PDE4D: variants seen among roughly 807,000 people sequenced by gnomAD.
PDE4D encodes the protein 3',5'-cyclic-AMP phosphodiesterase 4D.
A neutral mutation model predicts 87.4 loss-of-function variants in PDE4D; 24 were observed. That is an observed-to-expected ratio of 0.27 (90% CI 0.20 to 0.39). PDE4D has a LOEUF of 0.39. PDE4D is among the 10% of genes least tolerant of loss of function. The pLI is 1.00. For missense variants in PDE4D, 714 were observed against 1,041.0 expected, an observed-to-expected ratio of 0.69 and a Z score of 4.32; for synonymous variants, 384 against 383.2, an observed-to-expected ratio of 1.00 and a Z score of -0.02.
At chr5:60,331,534 C>G (rs36050835) in intron 1 of PDE4D, among the ~76,000 whole-genome samples, 1 of 152,056 alleles carries the variant, frequency 6.6e-6, no homozygotes, top group Non-Finnish European at 1.5e-5. Flanking sequence ...TTGTGTGGAA[C>G]GCAAACTTCC....
chr5:59,762,826 C>T (rs9800315), intron 1 of PDE4D, among the ~76,000 whole-genome samples: 126,185 of 130,936 alleles, frequency 0.96, 60,877 homozygotes, highest in African/African-American at 0.99. Context: ...TCCTATACTA[C>T]GTACTAAAAA....
intron 2 of PDE4D, chr5:60,021,963 T>A (rs1451427676): frequency 6.6e-6 from 1 of 152,222 alleles, no homozygotes; most frequent in Non-Finnish European, 1.5e-5. Context: ...TTCTTCTGAC[T>A]TGATCTCCCA....
chr5:60,331,155 A>C (rs1012725531), intron 1 of PDE4D, among the ~76,000 whole-genome samples: 3 of 152,248 alleles, frequency 2.0e-5, no homozygotes, highest in Admixed American at 2.0e-4. Flanking sequence ...CACAGGCAGC[A>C]TAACAAGGTA....
chr5:60,425,185 T>G (rs1383520103), intron 1 of PDE4D, among the ~76,000 whole-genome samples: 1 of 152,108 alleles, frequency 6.6e-6, no homozygotes, highest in Non-Finnish European at 1.5e-5. Flanking sequence ...AAAAACTACT[T>G]TAAAGTTCAT....
At chr5:59,960,549 T>G (rs1759351946) in intron 3 of PDE4D, among the ~76,000 whole-genome samples, 1 of 152,142 alleles carries the variant, frequency 6.6e-6, no homozygotes, top group Non-Finnish European at 1.5e-5. Flanking sequence ...TCACATCCTT[T>G]GAAGCAACAT....
intron 2 of PDE4D, among the ~76,000 whole-genome samples, chr5:60,045,258 A>T (rs1017187380): frequency 5.3e-5 from 8 of 151,954 alleles, no homozygotes; most frequent in African/African-American, 1.9e-4. Context: ...GATTCTGGAT[A>T]TTAGCCCTTT....
intron 1 of PDE4D, among the ~76,000 whole-genome samples, chr5:60,301,391 T>C (rs1486012256): frequency 6.6e-6 from 1 of 152,176 alleles, no homozygotes; most frequent in Non-Finnish European, 1.5e-5. Context: ...TCTTTGAGCA[T>C]TGGTTTGTAG....
intron 1 of PDE4D, among the ~76,000 whole-genome samples, chr5:60,493,583 A>ATCAT (rs56333350): frequency 0.13 from 19,497 of 149,586 alleles, 1,451 homozygotes; most frequent in East Asian, 0.22. Context: ...TCTATACACA[A>ATCAT]TCATTCATTC....
chr5:60,202,178 C>T (rs570732187), intron 1 of PDE4D, among the ~76,000 whole-genome samples: 12 of 152,186 alleles, frequency 7.9e-5, no homozygotes, highest in African/African-American at 2.9e-4. Flanking sequence ...TTTTATTTAT[C>T]TATTTATTTG....
intron 1 of PDE4D, among the ~76,000 whole-genome samples, chr5:59,733,054 A>G (rs1322644390): frequency 6.6e-6 from 1 of 152,142 alleles, no homozygotes; most frequent in Non-Finnish European, 1.5e-5. Context: ...AAAATGAATA[A>G]GACACTGTCC....
In PDE4D at chr5:58,975,981, A is replaced by G. The variant is rs2153304302; in HGVS notation, c.1831-142T>C. 1 of 643,832 alleles carries G rather than the reference A, an allele frequency of 1.6e-6. No individual in the cohort carries two copies. The highest frequency in any genetic ancestry group is 2.5e-6 in the Non-Finnish European group (1 of 403,900). The allele number at this position is 643,832 out of a possible 1,614,324, so 39.9% of individuals were successfully genotyped here. On this transcript the variant is annotated intron_variant, in intron 13 of 14. Coordinates refer to ENST00000340635, the MANE Select transcript of PDE4D (RefSeq NM_001104631.2). This position sits in a 1 kb window ranked among gnomAD's most constrained non-coding sequence, Gnocchi z 4.2. ...AAGATTTATTCCAAACAGCTCAACC[A>G]TGATGTGTCTGTGTATAGTTCACAC...
intron 1 of PDE4D, among the ~76,000 whole-genome samples, chr5:59,707,866 G>A (rs1753673503): frequency 6.6e-6 from 1 of 152,082 alleles, no homozygotes; most frequent in African/African-American, 2.4e-5. Context: ...TCATTGATGG[G>A]CATTTGGGTT....
At chr5:59,377,734 T>G (rs887031552) in intron 1 of PDE4D, among the ~76,000 whole-genome samples, 4 of 152,098 alleles carry the variant, frequency 2.6e-5, no homozygotes, top group African/African-American at 9.7e-5. Flanking sequence ...TCAACATCAC[T>G]CATCATTAGA....
chr5:59,497,336 T>C (rs1483353934), intron 1 of PDE4D, among the ~76,000 whole-genome samples: 3 of 152,036 alleles, frequency 2.0e-5, no homozygotes, highest in Admixed American at 6.6e-5. Flanking sequence ...CAATGAACCC[T>C]AACCAGAATG....
At chr5:60,194,537 A>G (rs1339315781) in intron 1 of PDE4D, among the ~76,000 whole-genome samples, 1 of 151,690 alleles carries the variant, frequency 6.6e-6, no homozygotes, top group Admixed American at 6.6e-5. Context: ...CTGACTCTCC[A>G]CCAATGAATC....
intron 3 of PDE4D, among the ~76,000 whole-genome samples, chr5:59,921,085 AG>A (rs1754620678): frequency 6.6e-6 from 1 of 152,238 alleles, no homozygotes; most frequent in African/African-American, 2.4e-5. Context: ...TGCTAAGAAT[AG>A]TACCTGCCAC....
rs1278960416 is a variant in PDE4D at position 59,616,941 on chromosome 5, A to ATATATATATATATATATATATATATATC, written c.455+276226_455+276227insGATATATATATATATATATATATATATA. Among the ~76,000 whole-genome samples, 11 of 137,732 alleles carry ATATATATATATATATATATATATATATC rather than the reference A, an allele frequency of 8.0e-5. 1 individual carries two copies. Among genetic ancestry groups the ATATATATATATATATATATATATATATC allele is most frequent in the Non-Finnish European group, 1.7e-4 (11 of 63,648 alleles). The allele number at this position is 137,732 out of a possible 152,430, so 90.4% of individuals were successfully genotyped here. A position where few individuals can be genotyped will look rare whatever the true frequency, so the allele number is the denominator to read the frequency against. Reference sequence around the variant, plus strand: ...TACATATATATATATATATATATATATATATCTCCAAGATTTTAAAGTATT... The same window carrying ATATATATATATATATATATATATATATC: ...TACATATATATATATATATATATATATATATATATATATATATATATATATATCTATATCTCCAAGATTTTAAAGTATT... On this transcript the variant is annotated intron_variant, in intron 1 of 14. Transcript: ENST00000340635.
chr5:59,644,294 T>C (rs1742098435), intron 1 of PDE4D, among the ~76,000 whole-genome samples: 1 of 152,152 alleles, frequency 6.6e-6, no homozygotes, highest in Non-Finnish European at 1.5e-5. Context: ...TGGTACTGTG[T>C]TGGTCTGAGT....
intron 2 of PDE4D, among the ~76,000 whole-genome samples, chr5:60,097,265 T>TGTGTGTGTGTGTGTGTGTGTGTG (rs1775770316): frequency 6.8e-6 from 1 of 146,480 alleles, no homozygotes; most frequent in African/African-American, 2.5e-5. Context: ...TGCTATGAAG[T>TGTGTGTGTGTGTGTGTGTGTGTG]TGTGTGTGTG....
Sources: gnomAD v4.1 joint callset for allele counts (sites outside exome capture counted in the v4.1 genomes callset) on GRCh38, gnomAD v4.1.1 for gene constraint, Gnocchi (gnomAD v3.1) non-coding constraint, MANE v1.5 for transcripts, NCBI Gene and HGNC (gene_info 2026-07-23, HGNC 2026-07-21) for gene names.